TRPC3: variants seen among roughly 807,000 people sequenced by gnomAD.
TRPC3 encodes short transient receptor potential channel 3.
TRPC3 carries 54 observed loss-of-function variants against 90.9 expected under a neutral mutation model. The observed-to-expected ratio is 0.59, with a 90% CI of 0.48 to 0.75. TRPC3 has a LOEUF of 0.75. Ranked by LOEUF, TRPC3 falls within the 30% of genes least tolerant of loss-of-function variation. The probability of loss-of-function intolerance (pLI) is 0.00; values close to 1 mark genes in which losing one functional copy is unlikely to be tolerated. For missense variants in TRPC3, 918 were observed against 1,194.5 expected, an observed-to-expected ratio of 0.77 and a Z score of 3.41; for synonymous variants, 424 against 450.9, an observed-to-expected ratio of 0.94 and a Z score of 0.75.
At chr4:121,901,295 G>A (rs1328965714) in intron 9 of TRPC3, among the ~76,000 whole-genome samples, 1 of 152,184 alleles carries the variant, frequency 6.6e-6, no homozygotes, top group African/African-American at 2.4e-5. Context: ...GACAACTAGA[G>A]CCTGGCTCCT....
intron 10 of TRPC3, among the ~76,000 whole-genome samples, chr4:121,897,691 T>C (rs1728567214): frequency 6.6e-6 from 1 of 151,718 alleles, no homozygotes; most frequent in Non-Finnish European, 1.5e-5. Context: ...GGAACTCTAA[T>C]ATGTTGTTGA....
rs1262530994 is a variant in TRPC3 at position 121,951,372 on chromosome 4, C to T, written c.215+94G>A. 2.4e-6 allele frequency: 2 copies of T among 843,408 alleles called. No individual in the cohort carries two copies. Among genetic ancestry groups the T allele is most frequent in the East Asian group, 5.9e-5 (1 of 16,928 alleles). The allele number at this position is 843,408 out of a possible 1,614,324, so 52.2% of individuals were successfully genotyped here. A position where few individuals can be genotyped will look rare whatever the true frequency, so the allele number is the denominator to read the frequency against. On this transcript the variant is annotated intron_variant, in intron 1 of 11. Coordinates refer to ENST00000379645, the MANE Select transcript of TRPC3 (RefSeq NM_001130698.2). This position sits in a 1 kb window ranked among gnomAD's most constrained non-coding sequence, Gnocchi z 4.4. Reference sequence around the variant, plus strand: ...CGTACCATGTGGGTCTCGGAGGTCCCGGGCTCGACGTGGAGCCGCCCGGCG... The same window carrying T: ...CGTACCATGTGGGTCTCGGAGGTCCTGGGCTCGACGTGGAGCCGCCCGGCG...
At chr4:121,897,858 T>C (rs531914251) in intron 10 of TRPC3, among the ~76,000 whole-genome samples, 1 of 152,240 alleles carries the variant, frequency 6.6e-6, no homozygotes, top group South Asian at 2.1e-4. Flanking sequence ...ACCCACATGT[T>C]TTATTGCAGC....
At chr4:121,881,398 C>A (rs549472532) in intron 11 of TRPC3, among the ~76,000 whole-genome samples, 5 of 152,078 alleles carry the variant, frequency 3.3e-5, no homozygotes, top group African/African-American at 7.2e-5. Flanking sequence ...TCCCTCTCCA[C>A]CCCCCATGGA....
intron 1 of TRPC3, among the ~76,000 whole-genome samples, chr4:121,946,010 A>T (rs1730474708): frequency 6.6e-6 from 1 of 152,210 alleles, no homozygotes; most frequent in Non-Finnish European, 1.5e-5. Context: ...GAGTTGGGAG[A>T]TAGAGACAAG....
intron 10 of TRPC3, among the ~76,000 whole-genome samples, chr4:121,899,125 A>G (rs1728616631): frequency 6.6e-6 from 1 of 152,228 alleles, no homozygotes; most frequent in Admixed American, 6.5e-5. Flanking sequence ...TGTCACATCC[A>G]GTATCAAAAT....
At chr4:121,930,801 A>G in intron 2 of TRPC3, 1 of 370,862 alleles carries the variant, frequency 2.7e-6, no homozygotes, top group Admixed American at 4.0e-5. Context: ...TCTAAACGGA[A>G]TTTGGAGTTT....
In TRPC3 at chr4:121,932,624, C is replaced by T; in HGVS notation, c.634G>A (p.Glu212Lys). Residue 212 changes from glutamate (E) to lysine (K), a missense_variant, in exon 2 of 12, where the codon GAG becomes AAG. By Grantham distance (56) the Glu-to-Lys change is moderately conservative. Transcript: ENST00000379645. This position sits in a 1 kb window ranked among gnomAD's most constrained non-coding sequence, Gnocchi z 7.7. ...AAGTCGTCGTCCTGCAGCTCCTGCT[C>T]ACAGGGGCTCAGAGTGAGACGCTTG... ...ASKRLTLSPCEQELQDDDFYA... is the reference protein window; with the variant it reads ...ASKRLTLSPCKQELQDDDFYA... The T allele has an allele frequency of 6.2e-7, 1 of 1,613,666 alleles. No individual in the cohort carries two copies. The highest frequency in any genetic ancestry group is 8.5e-7 in the Non-Finnish European group (1 of 1,179,688).
chr4:121,882,282 G>T, intron 11 of TRPC3, 72 bp downstream of exon 11: 1 of 1,353,314 alleles, frequency 7.4e-7, no homozygotes, highest in Non-Finnish European at 1.0e-6. Context: ...TTTAAAATAT[G>T]CCTCAACATT....
At chr4:121,919,842 C>A (rs1023073184) in intron 3 of TRPC3, among the ~76,000 whole-genome samples, 3 of 152,246 alleles carry the variant, frequency 2.0e-5, no homozygotes, top group Non-Finnish European at 1.5e-5. Context: ...CCCAGTTTTC[C>A]AGATTCAGTG....
At chr4:121,923,761 G>A (rs1309385939) in intron 3 of TRPC3, among the ~76,000 whole-genome samples, 3 of 152,194 alleles carry the variant, frequency 2.0e-5, no homozygotes, top group East Asian at 3.9e-4. Context: ...ATCCTTACAG[G>A]TTGGCTCTAG....
intron 10 of TRPC3, among the ~76,000 whole-genome samples, chr4:121,895,686 G>A (rs886977107): frequency 1.5e-4 from 23 of 151,962 alleles, no homozygotes; most frequent in Non-Finnish European, 4.4e-5. Flanking sequence ...AAGATTAAAT[G>A]AGTGCATAAA....
Position 121,875,961 on chromosome 4 carries a change from G to A in TRPC3, c.*3775C>T, listed in dbSNP as rs975911991. Among the ~76,000 whole-genome samples, 25 of 140,252 alleles carry A rather than the reference G, an allele frequency of 1.8e-4. No homozygotes were observed. Among genetic ancestry groups the A allele is most frequent in the Admixed American group, 1.5e-3 (19 of 12,750 alleles). 92.0% of individuals were successfully genotyped at this position (140,252 alleles called of 152,430 possible). ...GTCACCCAGGCTGGAGTGCAGTGGC[G>A]TGAACCAGCTCACTGCAGCCTCAAC... On this transcript the variant is annotated 3_prime_UTR_variant, in exon 12 of 12. Transcript: ENST00000379645.
In TRPC3 at chr4:121,899,706, A is replaced by C; in HGVS notation, c.2464-11T>G. On this transcript the variant is annotated splice_polypyrimidine_tract_variant and intron_variant, in intron 9 of 11. Coordinates refer to ENST00000379645, the MANE Select transcript of TRPC3 (RefSeq NM_001130698.2). ...AGTGAAGAGGTTTAACTAGGAAAAA[A>C]TACAATTAACCTAGTAAATTAGAAT... 6.3e-7 allele frequency: 1 copy of C among 1,588,214 alleles called. No individual in the cohort carries two copies. Among genetic ancestry groups the C allele is most frequent in the Non-Finnish European group, 8.6e-7 (1 of 1,157,264 alleles).
chr4:121,915,689 C>A (rs759044993), intron 3 of TRPC3, among the ~76,000 whole-genome samples: 18 of 152,228 alleles, frequency 1.2e-4, no homozygotes, highest in Non-Finnish European at 1.3e-4. Flanking sequence ...TTCAGCCCAG[C>A]CATTTGATTT....
chr4:121,948,151 T>C (rs1730555354), intron 1 of TRPC3, among the ~76,000 whole-genome samples: 1 of 148,070 alleles, frequency 6.8e-6, no homozygotes, highest in Non-Finnish European at 1.5e-5. Context: ...TCAGAAATAT[T>C]TGATCATTCA....
chr4:121,893,120 C>CAA (rs70950857), intron 10 of TRPC3, among the ~76,000 whole-genome samples: 2,536 of 105,520 alleles, frequency 0.024, 128 homozygotes, highest in East Asian at 0.23. Flanking sequence ...GACTCTGTCA[C>CAA]AAAAAAAAAA....
rs1729671192 is a variant in TRPC3 at position 121,925,444 on chromosome 4, T to A, written c.988-238A>T. Among the ~76,000 whole-genome samples, 4 of 151,752 alleles carry A rather than the reference T, an allele frequency of 2.6e-5. No individual in the cohort carries two copies. The South Asian group carries it at 8.4e-4, about 32-fold the overall frequency. Reference sequence around the variant, plus strand: ...CGAGATATTTCTGAAAATGGCATGATTATAATCTCACTTATATGTGGAATC... The same window carrying A: ...CGAGATATTTCTGAAAATGGCATGAATATAATCTCACTTATATGTGGAATC... On this transcript the variant is annotated intron_variant, in intron 2 of 11. Coordinates refer to ENST00000379645, the MANE Select transcript of TRPC3 (RefSeq NM_001130698.2).
chr4:121,951,592 C>A lies in TRPC3; in HGVS notation c.89G>T (p.Gly30Val). Residue 30 changes from glycine (G) to valine (V), a missense_variant, in exon 1 of 12, where the codon GGC becomes GTC. By Grantham distance (109) the Gly-to-Val change is moderately radical. Coordinates refer to ENST00000379645, the MANE Select transcript of TRPC3 (RefSeq NM_001130698.2). The surrounding 1 kb of genome is among the most constrained non-coding windows in gnomAD (Gnocchi z 4.4). ...CCGGCGGCGGCGCTGCGGCTCCGCGCCCTCGTCCTCGCCCTCGTCTTCCTC... is the reference window on the plus strand; with the variant it reads ...CCGGCGGCGGCGCTGCGGCTCCGCGACCTCGTCCTCGCCCTCGTCTTCCTC... ...EEEEDEGEDE[G>V]AEPQRRRRGW... 1 of 1,451,674 alleles carries A rather than the reference C, an allele frequency of 6.9e-7. No individual in the cohort carries two copies. The highest frequency in any genetic ancestry group is 2.6e-5 in the Admixed American group (1 of 38,096). 89.9% of individuals were successfully genotyped at this position (1,451,674 alleles called of 1,614,324 possible).
Sources: allele counts gnomAD v4.1 joint callset (sites outside exome capture counted in the v4.1 genomes callset), GRCh38; gene constraint gnomAD v4.1.1; non-coding constraint Gnocchi (gnomAD v3.1); transcripts MANE v1.5; gene names NCBI Gene and HGNC (gene_info 2026-07-23, HGNC 2026-07-21).